STIM2: variants seen among roughly 807,000 people sequenced by gnomAD.
The protein encoded by STIM2 is stromal interaction molecule 2.
STIM2 carries 31 observed loss-of-function variants against 85.8 expected under a neutral mutation model. The observed-to-expected ratio is 0.36, with a 90% CI of 0.27 to 0.49. The LOEUF is 0.49. Among genes scored for constraint, STIM2 ranks in the 20% least tolerant of loss-of-function variants. The pLI is 0.98. For missense variants in STIM2, 841 were observed against 927.6 expected (o/e 0.91, Z 1.21); for synonymous variants, 356 against 331.1 (o/e 1.08, Z -0.82).
chr4:26,863,833 T>A (rs148818140), intron 1 of STIM2, among the ~76,000 whole-genome samples: 32 of 152,256 alleles, frequency 2.1e-4, no homozygotes, highest in Non-Finnish European at 4.3e-4. Context: ...TAGCTGTGAG[T>A]ATTCTCAATA....
chr4:26,957,389 TCTA>T (rs1468206667), intron 2 of STIM2, among the ~76,000 whole-genome samples: 2 of 152,118 alleles, frequency 1.3e-5, no homozygotes, highest in African/African-American at 2.4e-5. Context: ...ACTAAGTACT[TCTA>T]CTGCTGTTGC....
Position 27,003,080 on chromosome 4 carries a change from G to A in STIM2, c.957G>A (p.Gln319=). Reference sequence around the variant, plus strand: ...CTGAATGTGAATTGAGTAGACGTCAGTATGCAGAACAGGAATTGGAACAGG... The same window carrying A: ...CTGAATGTGAATTGAGTAGACGTCAATATGCAGAACAGGAATTGGAACAGG... The change falls in exon 7 of 12, where the codon CAG becomes CAA. Residue 319 remains glutamine, a synonymous_variant. Transcript: ENST00000467087. The A allele has an allele frequency of 6.3e-7, 1 of 1,586,124 alleles. No homozygotes were observed. Among genetic ancestry groups the A allele is most frequent in the Non-Finnish European group, 8.5e-7 (1 of 1,170,060 alleles).
At chr4:26,966,379 A>G (rs573973537) in intron 3 of STIM2, among the ~76,000 whole-genome samples, 8 of 152,302 alleles carry the variant, frequency 5.3e-5, no homozygotes, top group African/African-American at 1.9e-4. Flanking sequence ...GAGAGTCACT[A>G]TATTATATTC....
intron 3 of STIM2, among the ~76,000 whole-genome samples, chr4:26,994,185 T>C (rs1035697722): frequency 3.9e-5 from 6 of 152,130 alleles, no homozygotes; most frequent in Admixed American, 1.3e-4. Flanking sequence ...CAGATCTGAC[T>C]GCTGCTCTAT....
intron 1 of STIM2, among the ~76,000 whole-genome samples, chr4:26,884,877 T>A (rs1444264969): frequency 6.6e-6 from 1 of 152,220 alleles, no homozygotes; most frequent in Non-Finnish European, 1.5e-5. Context: ...TTCACAGAAC[T>A]GGCAAGTGGG....
intron 8 of STIM2, 117 bp from the exon 9 acceptor site, chr4:27,008,311 A>T: frequency 1.8e-6 from 1 of 568,430 alleles, no homozygotes; most frequent in Non-Finnish European, 3.0e-6. Context: ...GTAATTCTCT[A>T]CTGGTTTTAT....
chr4:26,912,965 A>C (rs956741693), intron 1 of STIM2, among the ~76,000 whole-genome samples: 1 of 152,078 alleles, frequency 6.6e-6, no homozygotes, highest in Non-Finnish European at 1.5e-5. Flanking sequence ...TGCCCTCCAC[A>C]ACACCCCCGC....
intron 1 of STIM2, chr4:26,873,612 G>A: frequency 1.9e-6 from 1 of 523,104 alleles, no homozygotes; most frequent in Non-Finnish European, 3.6e-6. Context: ...ATCAGACAGG[G>A]CTTGTTTCCT....
intron 1 of STIM2, chr4:26,874,290 C>T (rs1722735714): frequency 2.5e-6 from 1 of 404,012 alleles, no homozygotes; most frequent in East Asian, 6.4e-5. Flanking sequence ...TGAGCTGCTC[C>T]TGGTACTGGA....
At chr4:26,865,466 G>A (rs1376809829) in intron 1 of STIM2, among the ~76,000 whole-genome samples, 1 of 152,090 alleles carries the variant, frequency 6.6e-6, no homozygotes, top group Non-Finnish European at 1.5e-5. Flanking sequence ...CCAAAGACTT[G>A]CTTTGTGGCT....
chr4:26,905,456 A>C (rs1160582329), intron 1 of STIM2, among the ~76,000 whole-genome samples: 1 of 152,166 alleles, frequency 6.6e-6, no homozygotes, highest in African/African-American at 2.4e-5. Flanking sequence ...TGGCTTAGTA[A>C]AGGGCAGAGT....
At chr4:26,981,274 AAGTATAT>A (rs1175807718) in intron 3 of STIM2, among the ~76,000 whole-genome samples, 5 of 152,198 alleles carry the variant, frequency 3.3e-5, no homozygotes, top group Admixed American at 1.3e-4. Flanking sequence ...ATGAGTCAAC[AAGTATAT>A]AGAGTTTAGA....
chr4:27,015,049 C>T (rs1219595178), intron 10 of STIM2, among the ~76,000 whole-genome samples: 2 of 151,832 alleles, frequency 1.3e-5, no homozygotes. Context: ...CATTATTAGA[C>T]ACTAGATATA....
intron 7 of STIM2, among the ~76,000 whole-genome samples, chr4:27,003,746 G>T (rs910774753): frequency 6.6e-6 from 1 of 152,112 alleles, no homozygotes. Flanking sequence ...AAGTTCTGGA[G>T]GTCAGAGTGA....
At chr4:27,018,356 A>G (rs1232757990) in intron 11 of STIM2, among the ~76,000 whole-genome samples, 3 of 152,118 alleles carry the variant, frequency 2.0e-5, no homozygotes, top group Non-Finnish European at 4.4e-5. Context: ...GGCTGCTCTC[A>G]GGTCCTGGAG....
At chr4:26,910,974 CGCCT>C (rs1053518263) in intron 1 of STIM2, among the ~76,000 whole-genome samples, 14 of 152,142 alleles carry the variant, frequency 9.2e-5, no homozygotes, top group African/African-American at 2.9e-4. Flanking sequence ...CAGTGGCTCA[CGCCT>C]GTAATCCCAG....
intron 2 of STIM2, among the ~76,000 whole-genome samples, chr4:26,953,993 A>G (rs1217984323): frequency 6.6e-6 from 1 of 152,080 alleles, no homozygotes; most frequent in Non-Finnish European, 1.5e-5. Context: ...AGCTGTGGTT[A>G]TGGATGATAG....
At chr4:26,927,710 T>A (rs1167638721) in intron 2 of STIM2, among the ~76,000 whole-genome samples, 50 of 69,670 alleles carry the variant, frequency 7.2e-4, no homozygotes, top group African/African-American at 9.4e-4. Context: ...AAAAAAAACT[T>A]GAATAAAAAA....
chr4:26,911,822 A>G (rs1368137373), intron 1 of STIM2, among the ~76,000 whole-genome samples: 1 of 152,234 alleles, frequency 6.6e-6, no homozygotes, highest in Admixed American at 6.5e-5. Flanking sequence ...AAAAATATGC[A>G]GCAGCTTTTA....
Sources: gnomAD v4.1 joint callset for allele counts (sites outside exome capture counted in the v4.1 genomes callset) on GRCh38, gnomAD v4.1.1 for gene constraint, MANE v1.5 for transcripts, NCBI Gene and HGNC (gene_info 2026-07-23, HGNC 2026-07-21) for gene names.